ZC3H12A: variants seen among roughly 807,000 people sequenced by gnomAD.
The protein encoded by ZC3H12A is endoribonuclease ZC3H12A.
ZC3H12A carries 9 observed loss-of-function variants against 29.9 expected under a neutral mutation model. That is an observed-to-expected ratio of 0.30 (90% confidence interval 0.18 to 0.53). ZC3H12A has a LOEUF of 0.53. Among genes scored for constraint, ZC3H12A ranks in the 20% least tolerant of loss-of-function variants. ZC3H12A has a pLI of 0.96. For synonymous variants in ZC3H12A, 323 were observed against 338.1 expected (o/e 0.96, Z 0.49); for missense variants, 617 against 799.0 (o/e 0.77, Z 2.75).
rs1641594552 is a variant in ZC3H12A at position 37,476,543 on chromosome 1, C to T, written c.443+604C>T. Among the ~76,000 whole-genome samples the T allele has an allele frequency of 6.6e-6, 1 of 152,136 alleles. No homozygotes were observed. The highest frequency in any genetic ancestry group is 2.4e-5 in the African/African-American group (1 of 41,422). On this transcript the variant is annotated intron_variant, in intron 2 of 5. Coordinates refer to ENST00000373087, the MANE Select transcript of ZC3H12A (RefSeq NM_025079.3). The surrounding 1 kb of genome is among the most constrained non-coding windows in gnomAD (Gnocchi z 6.0). ...GGTGGCCTGATGCTCTGGCCTCAGG[C>T]GAGCTGCAACTTGGATCCCTACTGA...
chr1:37,480,886 G>A lies in ZC3H12A; in HGVS notation c.583+457G>A, dbSNP rs566879219. Among the ~76,000 whole-genome samples the A allele has an allele frequency of 1.2e-4, 18 of 152,340 alleles. No individual in the cohort carries two copies. The East Asian group carries it at 1.5e-3, about 13-fold the overall frequency. ...GGGTGTTGACAGCATTGCCTTCCTCGTGAGGTCATATAAGTTAACACACGG... is the reference window on the plus strand; with the variant it reads ...GGGTGTTGACAGCATTGCCTTCCTCATGAGGTCATATAAGTTAACACACGG... On this transcript the variant is annotated intron_variant, in intron 3 of 5. Coordinates refer to ENST00000373087, the MANE Select transcript of ZC3H12A (RefSeq NM_025079.3).
At chr1:37,480,909 C>T (rs1641688133) in intron 3 of ZC3H12A, among the ~76,000 whole-genome samples, 1 of 152,206 alleles carries the variant, frequency 6.6e-6, no homozygotes, top group Non-Finnish European at 1.5e-5. Flanking sequence ...AGTTAACACA[C>T]GGTAAGTGCT....
Position 37,481,782 on chromosome 1 carries a change from G to A in ZC3H12A, c.765G>A (p.Glu255=). The part of the protein sequence containing the change: ...TYRDLQGERQ[E]WKRFIEERLL... ...GTGACCTCCAAGGCGAGCGGCAGGA[G>A]TGGAAGCGCTTCATCGAGGAGCGGC... Residue 255 remains glutamate, a synonymous_variant, in exon 4 of 6, where the codon GAG becomes GAA. Transcript: ENST00000373087. 1 of 1,614,222 alleles carries A rather than the reference G, an allele frequency of 6.2e-7. No individual in the cohort carries two copies. Among genetic ancestry groups the A allele is most frequent in the Non-Finnish European group, 8.5e-7 (1 of 1,180,034 alleles).
chr1:37,481,609 A>G lies in ZC3H12A; in HGVS notation c.592A>G (p.Ile198Val), dbSNP rs1254360167. 2 of 1,614,060 alleles carry G rather than the reference A, an allele frequency of 1.2e-6. No individual in the cohort carries two copies. Among genetic ancestry groups the G allele is most frequent in the South Asian group, 1.1e-5 (1 of 91,090 alleles). ...RPDVPITDQH[I>V]LRELEKKKIL... ...CACCCGTCACCTCCCAGACCAGCAC[A>G]TCCTGCGGGAACTGGAGAAGAAGAA... Residue 198 changes from isoleucine to valine, a missense_variant, in exon 4 of 6, where the codon ATC becomes GTC. Transcript: ENST00000373087.
chr1:37,479,496 C>T lies in ZC3H12A; in HGVS notation c.444-794C>T. 1 of 985,440 alleles carries T rather than the reference C, an allele frequency of 1.0e-6. No homozygotes were observed. Among genetic ancestry groups the T allele is most frequent in the Non-Finnish European group, 1.2e-6 (1 of 829,936 alleles). 61.0% of individuals were successfully genotyped at this position (985,440 alleles called of 1,614,324 possible). On this transcript the variant is annotated intron_variant, in intron 2 of 5. Transcript: ENST00000373087. This position sits in a 1 kb window ranked among gnomAD's most constrained non-coding sequence, Gnocchi z 4.5. ...CAGGGCCCATGCCTTACTCAGCTGT[C>T]CTTGCTAAGAGTCCCCTAGCATCTT... is the stretch of plus-strand genomic sequence containing the variant.
rs1188703295 is a variant in ZC3H12A at position 37,479,215 on chromosome 1, G to A, written c.444-1075G>A. 1.0e-6 allele frequency: 1 copy of A among 985,298 alleles called. No individual in the cohort carries two copies. The highest frequency in any genetic ancestry group is 1.7e-5 in the African/African-American group (1 of 57,228). The allele number at this position is 985,298 out of a possible 1,614,324, so 61.0% of individuals were successfully genotyped here. On this transcript the variant is annotated intron_variant, in intron 2 of 5. Transcript: ENST00000373087. This position sits in a 1 kb window ranked among gnomAD's most constrained non-coding sequence, Gnocchi z 4.5. ...TAGGAGCTCTTCCATGACACCTAGT[G>A]TTACCTGGGAGCCCCAAGCCCCAGT...
In ZC3H12A at chr1:37,478,476, T is replaced by C. The variant is rs898031871; in HGVS notation, c.444-1814T>C. On this transcript the variant is annotated intron_variant, in intron 2 of 5. Transcript: ENST00000373087. The surrounding 1 kb of genome is among the most constrained non-coding windows in gnomAD (Gnocchi z 5.2). ...TGACTGTCTCTTACCACTAGCCAGG[T>C]GACCTTCCTTTCCTTCACGGTAGCA... Among the ~76,000 whole-genome samples, 1 of 152,194 alleles carries C rather than the reference T, an allele frequency of 6.6e-6. No individual in the cohort carries two copies. Among genetic ancestry groups the C allele is most frequent in the Non-Finnish European group, 1.5e-5 (1 of 68,030 alleles).
intron 2 of ZC3H12A, among the ~76,000 whole-genome samples, chr1:37,477,722 G>A (rs191229463): frequency 3.9e-4 from 59 of 152,290 alleles, no homozygotes; most frequent in African/African-American, 1.3e-3. Flanking sequence ...GGGGGACCCT[G>A]ACCTTACAGG....
At chr1:37,480,045 C>A (rs1641671399) in intron 2 of ZC3H12A, 9 of 1,250,460 alleles carry the variant, frequency 7.2e-6, no homozygotes, top group Non-Finnish European at 9.1e-6. Flanking sequence ...GCCTGGCCAT[C>A]CTGGAGCTGT....
At chr1:37,477,972 G>A (rs1203459581) in intron 2 of ZC3H12A, among the ~76,000 whole-genome samples, 1 of 151,466 alleles carries the variant, frequency 6.6e-6, no homozygotes, top group South Asian at 2.1e-4. Flanking sequence ...GTGCCCACAG[G>A]CAGTGCACTG....
Position 37,475,864 on chromosome 1 carries a change from C to G in ZC3H12A, c.368C>G (p.Pro123Arg). The stretch of plus-strand genomic sequence containing the variant: ...ACCCCTAAGGCTCCCAACCTGGAGC[C>G]TCCACTCCCAGAAGAGGAAAAGGAG... The part of the protein sequence containing the change: ...GGTPKAPNLE[P>R]PLPEEEKEGS... Residue 123 changes from proline (P) to arginine (R), a missense_variant, in exon 2 of 6, where the codon CCT (proline) becomes CGT (arginine). Transcript: ENST00000373087. The surrounding 1 kb of genome is among the most constrained non-coding windows in gnomAD (Gnocchi z 5.2). 6.4e-7 allele frequency: 1 copy of G among 1,569,118 alleles called. No homozygotes were observed. Among genetic ancestry groups the G allele is most frequent in the Non-Finnish European group, 8.6e-7 (1 of 1,157,218 alleles).
At chr1:37,480,235 T>A in intron 2 of ZC3H12A, 55 bp from the exon 3 acceptor site, 1 of 1,583,904 alleles carries the variant, frequency 6.3e-7, no homozygotes, top group Non-Finnish European at 8.6e-7. Context: ...TGCTCAGGCC[T>A]AGGGGGTGGC....
In ZC3H12A at chr1:37,482,485, C is replaced by T; in HGVS notation, c.870C>T (p.Asn290=). Reference sequence around the variant, plus strand: ...GCCGGCACGGGCCCAGCCTGGACAACTTCCTGCGTAAGAAGCCACTCACTT... The same window carrying T: ...GCCGGCACGGGCCCAGCCTGGACAATTTCCTGCGTAAGAAGCCACTCACTT... ...PLGRHGPSLD[N]FLRKKPLTLE... Residue 290 remains asparagine, a synonymous_variant, in exon 5 of 6, where the codon AAC becomes AAT. Transcript: ENST00000373087. The T allele has an allele frequency of 1.7e-5, 28 of 1,614,150 alleles. No homozygotes were observed. The highest frequency in any genetic ancestry group is 2.1e-5 in the Non-Finnish European group (25 of 1,180,008).
rs1641735972 is a variant in ZC3H12A, at chr1:37,482,753, T to C, written c.942T>C (p.Tyr314=). 3 of 1,613,968 alleles carry C rather than the reference T, an allele frequency of 1.9e-6. No homozygotes were observed. The highest frequency in any genetic ancestry group is 1.3e-5 in the African/African-American group (1 of 74,930). ...CTCTTCCAGGAAGGAAATGCACCTATGGGATCAAGTGCCGATTCTTCCACC... is the reference window on the plus strand; with the variant it reads ...CTCTTCCAGGAAGGAAATGCACCTACGGGATCAAGTGCCGATTCTTCCACC... The part of the protein sequence containing the change: ...QPCPYGRKCT[Y]GIKCRFFHPE... The change falls in exon 6 of 6, where the codon TAT becomes TAC. Residue 314 remains tyrosine (Y), a synonymous_variant. Coordinates refer to ENST00000373087, the MANE Select transcript of ZC3H12A (RefSeq NM_025079.3).
rs1442092806 is a variant in ZC3H12A, at chr1:37,479,038, C to T, written c.444-1252C>T. 5.1e-6 allele frequency: 5 copies of T among 985,200 alleles called. No individual in the cohort carries two copies. In the South Asian group the frequency reaches 1.4e-4, roughly 28 times the overall value. 61.0% of individuals were successfully genotyped at this position (985,200 alleles called of 1,614,324 possible). ...TTCTCTTAGGGCTCCAGCTATCACC[C>T]CTTACCTCCCCCACTCCCATTAAAG... is the stretch of plus-strand genomic sequence containing the variant. On this transcript the variant is annotated intron_variant, in intron 2 of 5. Coordinates refer to ENST00000373087, the MANE Select transcript of ZC3H12A (RefSeq NM_025079.3). The surrounding 1 kb of genome is among the most constrained non-coding windows in gnomAD (Gnocchi z 4.5).
chr1:37,480,276 C>A lies in ZC3H12A; in HGVS notation c.444-14C>A. 2 of 1,609,516 alleles carry A rather than the reference C, an allele frequency of 1.2e-6. No individual in the cohort carries two copies. The highest frequency in any genetic ancestry group is 2.2e-5 in the South Asian group (2 of 90,326). The stretch of plus-strand genomic sequence containing the variant: ...GGCCATCAGTGTGGGCTAACCCTGT[C>A]CTCTCCCTCCCAGCCATGGGAACAA... On this transcript the variant is annotated splice_polypyrimidine_tract_variant and intron_variant, in intron 2 of 5. Transcript: ENST00000373087.
chr1:37,483,372 C>T lies in ZC3H12A; in HGVS notation c.1561C>T (p.Leu521=). The T allele has an allele frequency of 1.2e-6, 2 of 1,614,180 alleles. No homozygotes were observed. The highest frequency in any genetic ancestry group is 1.7e-6 in the Non-Finnish European group (2 of 1,180,010). The change falls in exon 6 of 6, where the codon CTG becomes TTG. Residue 521 remains leucine (L), a synonymous_variant. Transcript: ENST00000373087. Reference sequence around the variant, plus strand: ...AGAGTACTGGTCTGAACCATACCCACTGCCCCCACCCACATCAGTCCTTCA... The same window carrying T: ...AGAGTACTGGTCTGAACCATACCCATTGCCCCCACCCACATCAGTCCTTCA... ...PREYWSEPYP[L]PPPTSVLQEP...
chr1:37,482,691 G>C (rs1320363240), intron 5 of ZC3H12A, 46 bp from the exon 6 acceptor site: 2 of 1,612,312 alleles, frequency 1.2e-6, no homozygotes, highest in Admixed American at 3.3e-5. Flanking sequence ...CTCATCCCTG[G>C]TTCTGAAGTG....
At position 37,475,421 on chromosome 1, in the gene ZC3H12A, AGC is replaced by A. The variant is rs1641562221; in HGVS notation, c.-38-35_-38-34del. The A allele has an allele frequency of 1.4e-6, 2 of 1,467,252 alleles. No homozygotes were observed. Among genetic ancestry groups the A allele is most frequent in the Non-Finnish European group, 1.8e-6 (2 of 1,091,574 alleles). 90.9% of individuals were successfully genotyped at this position (1,467,252 alleles called of 1,614,324 possible). On this transcript the variant is annotated intron_variant, in intron 1 of 5. Coordinates refer to ENST00000373087, the MANE Select transcript of ZC3H12A (RefSeq NM_025079.3). This position sits in a 1 kb window ranked among gnomAD's most constrained non-coding sequence, Gnocchi z 5.2. ...GGTTTTGGGAGGGAGGTTAGGAGAG[AGC>A]GCTATTCACCGTCCCTAACCCTGTT... is the stretch of plus-strand genomic sequence containing the variant.
Sources: allele counts gnomAD v4.1 joint callset (sites outside exome capture counted in the v4.1 genomes callset), GRCh38; gene constraint gnomAD v4.1.1; non-coding constraint Gnocchi (gnomAD v3.1); transcripts MANE v1.5; gene names NCBI Gene and HGNC (gene_info 2026-07-23, HGNC 2026-07-21).